RSBN1L: variants seen among roughly 807,000 people sequenced by gnomAD.
The protein encoded by RSBN1L is round spermatid basic protein 1 like.
RSBN1L carries 30 observed loss-of-function variants against 67.7 expected under a neutral mutation model. The observed-to-expected ratio is 0.44, with a 90% confidence interval of 0.33 to 0.60. RSBN1L has a LOEUF of 0.60. Among genes scored for constraint, RSBN1L ranks in the 20% least tolerant of loss-of-function variants. The pLI is 0.02. For synonymous variants in RSBN1L, 433 were observed against 387.0 expected (o/e 1.12, Z -1.39); for missense variants, 992 against 1,031.7 (o/e 0.96, Z 0.53).
At chr7:77,739,137 GCC>G (rs1329502412) in intron 2 of RSBN1L, among the ~76,000 whole-genome samples, 1 of 152,160 alleles carries the variant, frequency 6.6e-6, no homozygotes, top group Non-Finnish European at 1.5e-5. Flanking sequence ...TCCCAAGTGA[GCC>G]TGTGGTGGTG....
chr7:77,769,694 A>G (rs1017643095), intron 5 of RSBN1L, among the ~76,000 whole-genome samples: 2 of 152,220 alleles, frequency 1.3e-5, no homozygotes, highest in African/African-American at 4.8e-5. Flanking sequence ...ATGTACAAAG[A>G]GCATTCTCAA....
chr7:77,732,781 G>A (rs976621000), intron 1 of RSBN1L, among the ~76,000 whole-genome samples: 1 of 152,116 alleles, frequency 6.6e-6, no homozygotes. Context: ...TTCTACATTT[G>A]GAAGGCTTTT....
At chr7:77,697,113 G>T (rs1790747010) in intron 1 of RSBN1L, 58 bp downstream of exon 1, 1 of 1,310,276 alleles carries the variant, frequency 7.6e-7, no homozygotes, top group Non-Finnish European at 9.7e-7. Context: ...CCGCCCCCTG[G>T]CGCCCACGGG....
At chr7:77,776,495 T>A (rs940145031) in intron 6 of RSBN1L, among the ~76,000 whole-genome samples, 1 of 152,268 alleles carries the variant, frequency 6.6e-6, no homozygotes, top group African/African-American at 2.4e-5. Context: ...ATGTCTATTC[T>A]TAACATCTAA....
At position 77,736,513 on chromosome 7, in the gene RSBN1L, G is replaced by T; in HGVS notation, c.690G>T (p.Lys230Asn). The T allele has an allele frequency of 7.6e-7, 1 of 1,311,174 alleles. No homozygotes were observed. The highest frequency in any genetic ancestry group is 1.0e-6 in the Non-Finnish European group (1 of 965,696). 81.2% of individuals were successfully genotyped at this position (1,311,174 alleles called of 1,614,324 possible). A position where few individuals can be genotyped will look rare whatever the true frequency, so the allele number is the denominator to read the frequency against. The change falls in exon 2 of 8, where the codon AAG becomes AAT. Residue 230 changes from lysine (K) to asparagine (N), a missense_variant. Lys to Asn is a moderately conservative substitution (Grantham distance 94). Transcript: ENST00000334955. ...TCAAGAAAGAGAATGGAGAAGTAAA[G>T]ATTTTGCTGAAAAGTAAGTTTTATT... is the stretch of plus-strand genomic sequence containing the variant. ...NEIKKENGEV[K>N]ILLKSGKEKP... is the part of the protein sequence containing the mutation.
Position 77,749,741 on chromosome 7 carries a change from G to A in RSBN1L, c.1021G>A (p.Asp341Asn), listed in dbSNP as rs750875363. Reference protein sequence around the residue: ...PRVQNNLKRLDTLEFKQLIHI... With the variant: ...PRVQNNLKRLNTLEFKQLIHI... ...AGTTCAGAATAACCTCAAAAGGTTG[G>A]ACACTTTGGAATTTAAACAACTCAT... is the stretch of plus-strand genomic sequence containing the variant. Residue 341 changes from aspartate to asparagine, a missense_variant, in exon 3 of 8, where the codon GAC (aspartate) becomes AAC (asparagine). Physicochemically the swap from Asp to Asn is conservative, Grantham distance 23 (BLOSUM62 1). Coordinates refer to ENST00000334955, the MANE Select transcript of RSBN1L (RefSeq NM_198467.3). 16 of 1,614,098 alleles carry A rather than the reference G, an allele frequency of 9.9e-6. No individual in the cohort carries two copies. Among genetic ancestry groups the A allele is most frequent in the Admixed American group, 1.7e-5 (1 of 60,020 alleles).
chr7:77,714,744 C>T (rs57514204), intron 1 of RSBN1L, among the ~76,000 whole-genome samples: 63,744 of 151,626 alleles, frequency 0.42, 13,773 homozygotes, highest in African/African-American at 0.5. Flanking sequence ...GGGCCGATCA[C>T]GAGGTCAGGA....
chr7:77,758,179 T>G (rs1242653029), intron 3 of RSBN1L, among the ~76,000 whole-genome samples: 3 of 152,174 alleles, frequency 2.0e-5, no homozygotes, highest in Admixed American at 1.3e-4. Context: ...GTGAATTATA[T>G]ATATTTTAAC....
chr7:77,747,465 C>T (rs891256311), intron 2 of RSBN1L, among the ~76,000 whole-genome samples: 3 of 152,144 alleles, frequency 2.0e-5, no homozygotes, highest in African/African-American at 7.2e-5. Flanking sequence ...GATACTGCTC[C>T]CTGCTCCCCA....
At chr7:77,773,446 G>GT (rs1345628731) in intron 6 of RSBN1L, 132 bp downstream of exon 6, 1 of 572,282 alleles carries the variant, frequency 1.7e-6, no homozygotes, top group African/African-American at 1.9e-5. Flanking sequence ...TATCTTAATT[G>GT]TATAATTGTA....
chr7:77,758,038 CA>C (rs1429584353), intron 3 of RSBN1L, among the ~76,000 whole-genome samples: 6 of 148,996 alleles, frequency 4.0e-5, no homozygotes, highest in Admixed American at 2.7e-4. Context: ...GACTCCATCT[CA>C]AAAAAAAAGA....
At chr7:77,715,937 T>C (rs1475081803) in intron 1 of RSBN1L, among the ~76,000 whole-genome samples, 1 of 152,192 alleles carries the variant, frequency 6.6e-6, no homozygotes, top group Admixed American at 6.5e-5. Flanking sequence ...TGTCTGTTAT[T>C]GGGTTGTTTT....
At position 77,749,475 on chromosome 7, in the gene RSBN1L, TAAAGAAGAAAAAGAA is replaced by T; in HGVS notation, c.762_776del (p.Lys255_Lys259del). ...ATAGAAGACTTACAAATTAAAAAGG[TAAAGAAGAAAAAGAA>T]AAAGAAACACAAAGAGAATGAAAAA... On this transcript the variant is annotated inframe_deletion, in exon 3 of 8. Coordinates refer to ENST00000334955, the MANE Select transcript of RSBN1L (RefSeq NM_198467.3). 6.3e-7 allele frequency: 1 copy of T among 1,585,720 alleles called. No homozygotes were observed. The highest frequency in any genetic ancestry group is 8.5e-7 in the Non-Finnish European group (1 of 1,172,078).
At chr7:77,715,400 G>A (rs1475055101) in intron 1 of RSBN1L, among the ~76,000 whole-genome samples, 11 of 151,520 alleles carry the variant, frequency 7.3e-5, no homozygotes, top group Admixed American at 6.6e-4. Flanking sequence ...GTGTGATCTC[G>A]GCTAGGTGAT....
chr7:77,738,556 A>G (rs749430455), intron 2 of RSBN1L, among the ~76,000 whole-genome samples: 2 of 152,226 alleles, frequency 1.3e-5, no homozygotes, highest in African/African-American at 4.8e-5. Flanking sequence ...GAAAGTGCCA[A>G]GTATAGAATC....
intron 2 of RSBN1L, among the ~76,000 whole-genome samples, chr7:77,745,607 G>A (rs1332036515): frequency 1.3e-5 from 2 of 152,130 alleles, no homozygotes; most frequent in African/African-American, 2.4e-5. Flanking sequence ...GGATATAAGA[G>A]TTGTCTTTAA....
intron 3 of RSBN1L, among the ~76,000 whole-genome samples, chr7:77,765,238 T>G (rs1791745937): frequency 6.6e-6 from 1 of 152,236 alleles, no homozygotes; most frequent in Admixed American, 6.5e-5. Flanking sequence ...AACTCTGTTT[T>G]CATAAGCAGT....
intron 3 of RSBN1L, among the ~76,000 whole-genome samples, chr7:77,753,191 A>G (rs776621782): frequency 6.6e-6 from 1 of 152,350 alleles, no homozygotes; most frequent in Non-Finnish European, 1.5e-5. Context: ...GGATCAAAAC[A>G]TATGCACCTA....
At chr7:77,710,845 C>T (rs903729779) in intron 1 of RSBN1L, among the ~76,000 whole-genome samples, 1 of 152,138 alleles carries the variant, frequency 6.6e-6, no homozygotes, top group Non-Finnish European at 1.5e-5. Context: ...ATACGCCCGC[C>T]TCAGCCTCCC....
Sources: gnomAD v4.1 joint callset for allele counts (sites outside exome capture counted in the v4.1 genomes callset) on GRCh38, gnomAD v4.1.1 for gene constraint, MANE v1.5 for transcripts, NCBI Gene and HGNC (gene_info 2026-07-23, HGNC 2026-07-21) for gene names.